GABRG3: variants seen among roughly 807,000 people sequenced by gnomAD.
The protein encoded by GABRG3 is gamma-aminobutyric acid type A receptor subunit gamma3.
GABRG3 carries 25 observed loss-of-function variants against 48.8 expected under a neutral mutation model. That is an observed-to-expected ratio of 0.51 (90% CI 0.37 to 0.72). GABRG3 has a LOEUF of 0.72. GABRG3 is among the 30% of genes least tolerant of loss of function. The pLI is 0.00. For missense variants in GABRG3, 394 were observed against 577.9 expected (o/e 0.68, Z 3.26); for synonymous variants, 227 against 217.6 (o/e 1.04, Z -0.38).
chr15:27,383,607 G>A (rs917254005), intron 5 of GABRG3, among the ~76,000 whole-genome samples: 1 of 152,062 alleles, frequency 6.6e-6, no homozygotes, highest in African/African-American at 2.4e-5. Flanking sequence ...TCAGCCATCT[G>A]GTCAACAGTG....
At chr15:27,209,463 C>T (rs112797579) in intron 3 of GABRG3, among the ~76,000 whole-genome samples, 6 of 152,016 alleles carry the variant, frequency 3.9e-5, no homozygotes, top group Non-Finnish European at 5.9e-5. Context: ...TATCCCGGCC[C>T]GGCCGGTGCT....
intron 3 of GABRG3, among the ~76,000 whole-genome samples, chr15:27,087,427 C>A (rs1485483353): frequency 6.6e-6 from 1 of 152,192 alleles, no homozygotes; most frequent in Non-Finnish European, 1.5e-5. Context: ...GTGCTGGCAG[C>A]ACAGTGGTTC....
Position 27,353,774 on chromosome 15 carries a change from A to G in GABRG3, c.574+24886A>G, listed in dbSNP as rs151300735. Among the ~76,000 whole-genome samples, 35 of 152,202 alleles carry G rather than the reference A, an allele frequency of 2.3e-4. No individual in the cohort carries two copies. The East Asian group carries it at 6.6e-3, about 29-fold the overall frequency. ...TGCGTAGTTTTCAATCATTCTCCAG[A>G]TCTTGGCTTCAAAGTAACCATATCC... On this transcript the variant is annotated intron_variant, in intron 5 of 9. Transcript: ENST00000615808.
At chr15:27,506,633 G>T (rs1179315476) in intron 6 of GABRG3, among the ~76,000 whole-genome samples, 1 of 152,194 alleles carries the variant, frequency 6.6e-6, no homozygotes, top group Non-Finnish European at 1.5e-5. Flanking sequence ...ACCCTAAGGA[G>T]AGAATGCAGT....
intron 6 of GABRG3, among the ~76,000 whole-genome samples, chr15:27,486,603 C>A (rs1421382308): frequency 6.6e-6 from 1 of 152,090 alleles, no homozygotes; most frequent in Non-Finnish European, 1.5e-5. Context: ...AGAGTCAGAC[C>A]ACACTGTACT....
intron 2 of GABRG3, among the ~76,000 whole-genome samples, chr15:27,004,281 G>A (rs532874679): frequency 1.4e-3 from 205 of 151,694 alleles, no homozygotes; most frequent in Non-Finnish European, 1.6e-3. Flanking sequence ...CGGGGCGGCC[G>A]GGCAGAGACG....
chr15:27,413,015 A>G (rs1887842145), intron 5 of GABRG3, among the ~76,000 whole-genome samples: 1 of 152,192 alleles, frequency 6.6e-6, no homozygotes, highest in Non-Finnish European at 1.5e-5. Flanking sequence ...TTAATTGCAA[A>G]GTTATTTTTA....
chr15:27,359,522 C>T (rs1428722853), intron 5 of GABRG3, among the ~76,000 whole-genome samples: 1 of 152,140 alleles, frequency 6.6e-6, no homozygotes, highest in Non-Finnish European at 1.5e-5. Flanking sequence ...ATGAACAGTA[C>T]AATTATATAT....
chr15:27,048,890 G>C (rs1307925461), intron 3 of GABRG3, among the ~76,000 whole-genome samples: 1 of 152,150 alleles, frequency 6.6e-6, no homozygotes, highest in African/African-American at 2.4e-5. Context: ...CCTGCAAATG[G>C]ATGGAAGTTG....
At chr15:27,062,434 T>TAAAAACAAAAAA in intron 3 of GABRG3, among the ~76,000 whole-genome samples, 1 of 32,824 alleles carries the variant, frequency 3.0e-5, no homozygotes, top group Non-Finnish European at 8.5e-5. Context: ...CCATCTCTAC[T>TAAAAACAAAAAA]AAAAAAAAAA....
At chr15:27,322,093 A>AT (rs1156688474) in intron 3 of GABRG3, among the ~76,000 whole-genome samples, 2 of 152,258 alleles carry the variant, frequency 1.3e-5, no homozygotes, top group East Asian at 1.9e-4. Flanking sequence ...CATTGTAAGA[A>AT]TTTTTTTTCT....
At chr15:27,391,631 A>C (rs1468755701) in intron 5 of GABRG3, among the ~76,000 whole-genome samples, 1 of 152,188 alleles carries the variant, frequency 6.6e-6, no homozygotes, top group Admixed American at 6.5e-5. Context: ...TTTGCAAAAA[A>C]TAGGATTAAA....
rs1252357670 is a variant in GABRG3 at position 27,186,742 on chromosome 15, C to A, written c.271-140067C>A. On this transcript the variant is annotated intron_variant, in intron 3 of 9. Transcript: ENST00000615808. ...TATCTCATTGTGGTTTTGATTTGCA[C>A]TTCTTTGATTACAAGTGATGTTGGG... 2.6e-5 allele frequency among the ~76,000 whole-genome samples: 4 copies of A among 152,194 alleles called. No individual in the cohort carries two copies. The East Asian group carries it at 5.8e-4, about 22-fold the overall frequency.
intron 5 of GABRG3, among the ~76,000 whole-genome samples, chr15:27,333,159 C>T (rs1893856018): frequency 6.6e-6 from 1 of 152,140 alleles, no homozygotes. Context: ...CTCATAGAAA[C>T]TGAACCATAA....
intron 3 of GABRG3, among the ~76,000 whole-genome samples, chr15:27,112,942 T>A (rs1284426601): frequency 6.6e-6 from 1 of 152,210 alleles, no homozygotes; most frequent in Non-Finnish European, 1.5e-5. Flanking sequence ...TCTTCAATTC[T>A]AAGAATAAAG....
At chr15:27,005,331 G>A (rs546376272) in intron 2 of GABRG3, among the ~76,000 whole-genome samples, 1 of 152,218 alleles carries the variant, frequency 6.6e-6, no homozygotes, top group African/African-American at 2.4e-5. Context: ...CTCCCGAGTA[G>A]CTGGGACTAC....
intron 3 of GABRG3, among the ~76,000 whole-genome samples, chr15:27,104,986 G>A (rs947869735): frequency 8.5e-5 from 13 of 152,092 alleles, no homozygotes; most frequent in Admixed American, 4.6e-4. Flanking sequence ...TGGCAGAGTG[G>A]ATTAAAACAT....
At chr15:27,393,394 G>T (rs1383015711) in intron 5 of GABRG3, among the ~76,000 whole-genome samples, 6 of 151,658 alleles carry the variant, frequency 4.0e-5, no homozygotes, top group Non-Finnish European at 7.4e-5. Flanking sequence ...GGACATGGGC[G>T]TGAAGAAAGT....
intron 5 of GABRG3, among the ~76,000 whole-genome samples, chr15:27,372,582 G>C (rs1895450065): frequency 6.6e-6 from 1 of 151,942 alleles, no homozygotes; most frequent in South Asian, 2.1e-4. Context: ...TATAGAGATG[G>C]GGCCTCGTTT....
Sources: allele counts gnomAD v4.1 joint callset (sites outside exome capture counted in the v4.1 genomes callset), GRCh38; gene constraint gnomAD v4.1.1; transcripts MANE v1.5; gene names NCBI Gene and HGNC (gene_info 2026-07-23, HGNC 2026-07-21).